The following CCDC32 variants were observed in gnomAD, a reference collection of about 807,000 sequenced individuals.
CCDC32 encodes coiled-coil domain containing 32.
CCDC32 carries 9 observed loss-of-function variants against 20.1 expected under a neutral mutation model. The ratio of observed to expected loss-of-function variants is 0.45; its 90% confidence interval spans 0.27 to 0.78. The LOEUF is 0.78. Among genes scored for constraint, CCDC32 ranks in the 30% least tolerant of loss-of-function variants. The pLI is 0.16. For synonymous variants in CCDC32, 63 were observed against 79.0 expected, an observed-to-expected ratio of 0.80 and a Z score of 1.07; for missense variants, 204 against 215.5, an observed-to-expected ratio of 0.95 and a Z score of 0.33.
chr15:40,554,051 G>A lies in CCDC32; in HGVS notation c.478C>T (p.Pro160Ser). 1.2e-6 allele frequency: 2 copies of A among 1,613,788 alleles called. No individual in the cohort carries two copies. Among genetic ancestry groups the A allele is most frequent in the Non-Finnish European group, 1.7e-6 (2 of 1,179,944 alleles). Residue 160 changes from proline (P) to serine (S), a missense_variant, in exon 4 of 4, where the codon CCT becomes TCT. Physicochemically the swap from Pro to Ser is moderately conservative, Grantham distance 74. Transcript: ENST00000416810. Reference sequence around the variant, plus strand: ...GGCTTCTCAACCTGTGACTCTGGAGGAATCAGATACTGGACCTCCTCTGTG... The same window carrying A: ...GGCTTCTCAACCTGTGACTCTGGAGAAATCAGATACTGGACCTCCTCTGTG... ...VSTEEVQYLI[P>S]PESQVEKPVA... is the part of the protein sequence containing the mutation.
At chr15:40,539,212 C>T, downstream of CCDC32, 1 of 1,527,186 alleles carries the variant, frequency 6.5e-7, no homozygotes, top group Non-Finnish European at 8.8e-7. Flanking sequence ...TTCTGCACAT[C>T]CCTGCCTGGC....
In CCDC32 at chr15:40,553,888, C is replaced by A. The variant is rs1332219213; in HGVS notation, c.*83G>T. 48 of 1,499,860 alleles carry A rather than the reference C, an allele frequency of 3.2e-5. No homozygotes were observed. The highest frequency in any genetic ancestry group is 4.1e-5 in the Non-Finnish European group (46 of 1,117,542). The allele number at this position is 1,499,860 out of a possible 1,614,324, so 92.9% of individuals were successfully genotyped here. ...GAGCTCCACGCTGCTCGCTCTGGAC[C>A]CGAGACAGCTGCTCGGCGTGTGTGT... On this transcript the variant is annotated 3_prime_UTR_variant, in exon 4 of 4. Transcript: ENST00000416810.
downstream of CCDC32, among the ~76,000 whole-genome samples, chr15:40,533,889 A>G (rs773224229): frequency 6.6e-6 from 1 of 152,078 alleles, no homozygotes; most frequent in Non-Finnish European, 1.5e-5. Context: ...ACATGAAGAA[A>G]TCAAATTACT....
At chr15:40,535,504 C>A (rs780893585), downstream of CCDC32, 43 of 987,340 alleles carry the variant, frequency 4.4e-5, no homozygotes, top group Non-Finnish European at 4.7e-5. Context: ...TGAAATTGGG[C>A]CTATAGATTT....
chr15:40,543,328 AGGGC>A (rs1240860133), intron 3 of CCDC32, among the ~76,000 whole-genome samples: 1 of 152,130 alleles, frequency 6.6e-6, no homozygotes, highest in African/African-American at 2.4e-5. Context: ...TACTTTCTGG[AGGGC>A]GGGCATGGAA....
In CCDC32 at chr15:40,557,223, CAGA is replaced by C; in HGVS notation, c.391_393del (p.Ser131del). 3.1e-6 allele frequency: 5 copies of C among 1,611,538 alleles called. No homozygotes were observed. The highest frequency in any genetic ancestry group is 4.2e-6 in the Non-Finnish European group (5 of 1,179,266). Reference sequence around the variant, plus strand: ...AGACGGGGAATCGATTACCTCTCATCAGAATCAAGTCCATCCACAAAGAACTCT... The same window carrying C: ...AGACGGGGAATCGATTACCTCTCATCATCAAGTCCATCCACAAAGAACTCT... On this transcript the variant is annotated inframe_deletion, in exon 3 of 4. Coordinates refer to ENST00000416810, the MANE Select transcript of CCDC32 (RefSeq NM_001080792.4).
chr15:40,554,527 A>G (rs1225964186), intron 3 of CCDC32, among the ~76,000 whole-genome samples: 1 of 152,250 alleles, frequency 6.6e-6, no homozygotes. Flanking sequence ...TTATTGAGGC[A>G]GAAATCTGAG....
downstream of CCDC32, among the ~76,000 whole-genome samples, chr15:40,528,380 A>G (rs1196013131): frequency 6.6e-6 from 1 of 152,232 alleles, no homozygotes; most frequent in Admixed American, 6.5e-5. Context: ...AGGGAAGAGT[A>G]GCAGAGGCAA....
chr15:40,538,978 G>C, downstream of CCDC32: 1 of 498,006 alleles, frequency 2.0e-6, no homozygotes, highest in Non-Finnish European at 3.7e-6. Flanking sequence ...GGAGCCTGCT[G>C]GTGACCAGCC....
At chr15:40,563,087 G>A in intron 1 of CCDC32, 60 bp from the exon 2 acceptor site, 1 of 1,552,328 alleles carries the variant, frequency 6.4e-7, no homozygotes, top group Non-Finnish European at 8.7e-7. Flanking sequence ...ATAAGGTTGA[G>A]CACAGTGGCT....
chr15:40,534,276 C>G (rs899714494), downstream of CCDC32: 1 of 152,472 alleles, frequency 6.6e-6, no homozygotes, highest in Non-Finnish European at 1.5e-5. Context: ...AGAAAGCCCT[C>G]TTCTGGGTCT....
chr15:40,550,094 G>A (rs2141624060), downstream of CCDC32, among the ~76,000 whole-genome samples: 1 of 152,302 alleles, frequency 6.6e-6, no homozygotes, highest in Non-Finnish European at 1.5e-5. Context: ...GCTGAGTGAT[G>A]AGCACGTGTG....
chr15:40,551,644 A>G (rs1330007849), downstream of CCDC32, among the ~76,000 whole-genome samples: 1 of 151,706 alleles, frequency 6.6e-6, no homozygotes, highest in Non-Finnish European at 1.5e-5. Flanking sequence ...TCCCATCTCT[A>G]CAAAAAATAT....
At chr15:40,558,778 C>T (rs777078876) in intron 2 of CCDC32, among the ~76,000 whole-genome samples, 1 of 151,444 alleles carries the variant, frequency 6.6e-6, no homozygotes, top group Non-Finnish European at 1.5e-5. Context: ...AAAATCATCA[C>T]TGTCTTCATT....
chr15:40,530,197 G>A (rs1888831419), downstream of CCDC32, among the ~76,000 whole-genome samples: 1 of 148,988 alleles, frequency 6.7e-6, no homozygotes, highest in Non-Finnish European at 1.5e-5. Flanking sequence ...GGAGGCTGAG[G>A]CAGGAGAACT....
chr15:40,557,347 A>C lies in CCDC32; in HGVS notation c.270T>G (p.Gly90=). 1 of 1,613,310 alleles carries C rather than the reference A, an allele frequency of 6.2e-7. No homozygotes were observed. Among genetic ancestry groups the C allele is most frequent in the Non-Finnish European group, 8.5e-7 (1 of 1,179,756 alleles). Residue 90 remains glycine (G), a synonymous_variant, in exon 3 of 4, where the codon GGT becomes GGG. Coordinates refer to ENST00000416810, the MANE Select transcript of CCDC32 (RefSeq NM_001080792.4). The part of the protein sequence containing the change: ...SLEKKLRRIK[G]LNQEVTSKDM... ...CCTTGGAAGTCACTTCCTGATTTAA[A>C]CCTTTGATTCTTCTTAGCTTCTTCT...
intron 1 of CCDC32, 91 bp downstream of exon 1, chr15:40,564,885 A>C: frequency 3.4e-6 from 5 of 1,451,318 alleles, no homozygotes; most frequent in Non-Finnish European, 4.8e-6. Context: ...GGACGGGATG[A>C]ATCAGGTCCC....
the CCDC32 span, among the ~76,000 whole-genome samples, chr15:40,523,027 C>A: frequency 2.0e-5 from 3 of 150,998 alleles, no homozygotes; most frequent in African/African-American, 7.3e-5. Context: ...GTGTTTTCGC[C>A]ATGTTAGTCA....
intron 1 of CCDC32, among the ~76,000 whole-genome samples, chr15:40,564,113 C>G (rs1196900383): frequency 6.6e-6 from 1 of 152,202 alleles, no homozygotes; most frequent in Admixed American, 6.5e-5. Flanking sequence ...AGCCACCGCG[C>G]CCGGCCCCTA....
Sources: allele counts gnomAD v4.1 joint callset (sites outside exome capture counted in the v4.1 genomes callset), GRCh38; gene constraint gnomAD v4.1.1; transcripts MANE v1.5; gene names NCBI Gene and HGNC (gene_info 2026-07-23, HGNC 2026-07-21).